The following ANKRD61 variants were observed in gnomAD, a reference collection of about 807,000 sequenced individuals.
ANKRD61 encodes the protein ankyrin repeat domain 61, also known as ankyrin repeat domain-containing protein 61.
A neutral mutation model predicts 8.4 loss-of-function variants in ANKRD61; 7 were observed. The observed-to-expected ratio is 0.84, with a 90% CI of 0.48 to 1.57. The LOEUF is 1.57. Ranked by LOEUF, ANKRD61 falls within the 40% of genes most tolerant of loss-of-function variation. The pLI, the probability that ANKRD61 is intolerant of heterozygous loss-of-function variation, is 0.00. For synonymous variants in ANKRD61, 198 were observed against 208.0 expected (o/e 0.95, Z 0.41); for missense variants, 516 against 523.4 (o/e 0.99, Z 0.14).
intron 2 of ANKRD61, among the ~76,000 whole-genome samples, chr7:6,034,249 G>C (rs1366389376): frequency 6.6e-6 from 1 of 152,016 alleles, no homozygotes; most frequent in Non-Finnish European, 1.5e-5. Context: ...AGCAGTTGCA[G>C]TGAGCCAAAA....
In ANKRD61 at chr7:6,035,944, ACG is replaced by A; in HGVS notation, c.817_818del (p.Ala273ProfsTer11). The A allele has an allele frequency of 3.9e-6, 6 of 1,548,192 alleles. No homozygotes were observed. The highest frequency in any genetic ancestry group is 5.2e-6 in the Non-Finnish European group (6 of 1,145,288). On this transcript the variant is annotated frameshift_variant, in exon 3 of 3. Transcript: ENST00000409061. LOFTEE classifies it low-confidence loss of function (END_TRUNC). The surrounding 1 kb of genome is among the most constrained non-coding windows in gnomAD (Gnocchi z 5.5). The stretch of plus-strand genomic sequence containing the variant: ...CTACTCACTCACGGAGCCAAAGTCA[ACG>A]CCCAGGACTACAAGGGCCAAACAGC...
Position 6,033,312 on chromosome 7 carries a change from T to A in ANKRD61, c.314+376T>A, listed in dbSNP as rs1196865935. 1.3e-5 allele frequency among the ~76,000 whole-genome samples: 2 copies of A among 151,698 alleles called. No individual in the cohort carries two copies. Among genetic ancestry groups the A allele is most frequent in the East Asian group, 3.9e-4 (2 of 5,180 alleles). On this transcript the variant is annotated intron_variant, in intron 2 of 2. Coordinates refer to ENST00000409061, the MANE Select transcript of ANKRD61 (RefSeq NM_001271700.2). This position sits in a 1 kb window ranked among gnomAD's most constrained non-coding sequence, Gnocchi z 4.4. ...TAAGTGAGGATATACCTGATATAGA[T>A]TTTTTTTTCAGTTCATACATTTTTT...
rs1788040482 is a variant in ANKRD61 at position 6,035,204 on chromosome 7, A to C, written c.315-240A>C. On this transcript the variant is annotated intron_variant, in intron 2 of 2. Coordinates refer to ENST00000409061, the MANE Select transcript of ANKRD61 (RefSeq NM_001271700.2). This position sits in a 1 kb window ranked among gnomAD's most constrained non-coding sequence, Gnocchi z 5.5. The stretch of plus-strand genomic sequence containing the variant: ...AGTGAAAATAATTTTTCAAAAAAAA[A>C]AATTATATATACATAAAATGAAGCT... Among the ~76,000 whole-genome samples, 1 of 152,166 alleles carries C rather than the reference A, an allele frequency of 6.6e-6. No homozygotes were observed. The highest frequency in any genetic ancestry group is 1.5e-5 in the Non-Finnish European group (1 of 68,036).
rs1788050945 is a variant in ANKRD61, at chr7:6,035,482, T to C, written c.353T>C (p.Leu118Pro). ...CTCACCACACTCAACTTAATGCTACTGCACTGGCCAGTCACTTCCACCACG... is the reference window on the plus strand; with the variant it reads ...CTCACCACACTCAACTTAATGCTACCGCACTGGCCAGTCACTTCCACCACG... ...TGLTTLNLMLLHWPVTSTTWA... is the reference protein window; with the variant it reads ...TGLTTLNLMLPHWPVTSTTWA... The change falls in exon 3 of 3, where the codon CTG (leucine) becomes CCG (proline). Residue 118 changes from leucine to proline, a missense_variant. By Grantham distance (98) the Leu-to-Pro change is moderately conservative. Transcript: ENST00000409061. This position sits in a 1 kb window ranked among gnomAD's most constrained non-coding sequence, Gnocchi z 5.5. The C allele has an allele frequency of 1.3e-6, 2 of 1,550,960 alleles. No homozygotes were observed. The highest frequency in any genetic ancestry group is 2.0e-5 in the Admixed American group (1 of 50,994).
Position 6,036,383 on chromosome 7 carries a change from T to C in ANKRD61, c.1254T>C (p.Ser418=), listed in dbSNP as rs1430635567. 97 of 1,465,238 alleles carry C rather than the reference T, an allele frequency of 6.6e-5. No individual in the cohort carries two copies. Among genetic ancestry groups the C allele is most frequent in the Non-Finnish European group, 8.4e-5 (93 of 1,109,464 alleles). 90.8% of individuals were successfully genotyped at this position (1,465,238 alleles called of 1,614,324 possible). The change falls in exon 3 of 3, where the codon TCT becomes TCC. Residue 418 remains serine (S), a synonymous_variant. Coordinates refer to ENST00000409061, the MANE Select transcript of ANKRD61 (RefSeq NM_001271700.2). This position sits in a 1 kb window ranked among gnomAD's most constrained non-coding sequence, Gnocchi z 4.6. The part of the protein sequence containing the change: ...VYCCYDLAYT[S] Reference sequence around the variant, plus strand: ...GCTGTTATGACTTGGCATATACCTCTTGAAATAAGACCTCCCAGTTTCACA... The same window carrying C: ...GCTGTTATGACTTGGCATATACCTCCTGAAATAAGACCTCCCAGTTTCACA...
chr7:6,035,965 A>C lies in ANKRD61; in HGVS notation c.836A>C (p.Gln279Pro), dbSNP rs113288486. 2.6e-6 allele frequency: 4 copies of C among 1,550,228 alleles called. No homozygotes were observed. The highest frequency in any genetic ancestry group is 1.4e-5 in the African/African-American group (1 of 73,174). ...GTCAACGCCCAGGACTACAAGGGCC[A>C]AACAGCCATCCATGAGGCATGCTTT... The part of the protein sequence containing the change: ...AKVNAQDYKG[Q>P]TAIHEACFGG... The change falls in exon 3 of 3, where the codon CAA becomes CCA. Residue 279 changes from glutamine (Q) to proline (P), a missense_variant. Gln to Pro is a moderately conservative substitution (Grantham distance 76). Coordinates refer to ENST00000409061, the MANE Select transcript of ANKRD61 (RefSeq NM_001271700.2). This position sits in a 1 kb window ranked among gnomAD's most constrained non-coding sequence, Gnocchi z 5.5.
intron 1 of ANKRD61, 141 bp downstream of exon 1, chr7:6,031,732 A>C (rs113609540): frequency 4.9e-6 from 4 of 821,332 alleles, no homozygotes; most frequent in South Asian, 1.7e-5. Flanking sequence ...CACACACTGC[A>C]GTGCTCCCCA....
chr7:6,032,756 T>A lies in ANKRD61; in HGVS notation c.217-83T>A, dbSNP rs918032509. 4.4e-6 allele frequency: 5 copies of A among 1,141,764 alleles called. No homozygotes were observed. The highest frequency in any genetic ancestry group is 6.3e-6 in the Non-Finnish European group (5 of 789,088). 70.7% of individuals were successfully genotyped at this position (1,141,764 alleles called of 1,614,324 possible). Reference sequence around the variant, plus strand: ...CCAATGAGACACTAAATAAATGTATTGCCTTTGAAACGGCAAGCTAACACA... The same window carrying A: ...CCAATGAGACACTAAATAAATGTATAGCCTTTGAAACGGCAAGCTAACACA... On this transcript the variant is annotated intron_variant, in intron 1 of 2. Transcript: ENST00000409061. This position sits in a 1 kb window ranked among gnomAD's most constrained non-coding sequence, Gnocchi z 4.3.
At position 6,032,770 on chromosome 7, in the gene ANKRD61, C is replaced by A; in HGVS notation, c.217-69C>A. The stretch of plus-strand genomic sequence containing the variant: ...AATAAATGTATTGCCTTTGAAACGG[C>A]AAGCTAACACAAACAGTATTTTTAA... On this transcript the variant is annotated intron_variant, in intron 1 of 2. Coordinates refer to ENST00000409061, the MANE Select transcript of ANKRD61 (RefSeq NM_001271700.2). This position sits in a 1 kb window ranked among gnomAD's most constrained non-coding sequence, Gnocchi z 4.3. The A allele has an allele frequency of 1.5e-6, 2 of 1,310,140 alleles. No individual in the cohort carries two copies. Among genetic ancestry groups the A allele is most frequent in the Non-Finnish European group, 2.1e-6 (2 of 938,170 alleles). 81.2% of individuals were successfully genotyped at this position (1,310,140 alleles called of 1,614,324 possible). A position where few individuals can be genotyped will look rare whatever the true frequency, so the allele number is the denominator to read the frequency against.
At position 6,035,761 on chromosome 7, in the gene ANKRD61, T is replaced by C. The variant is rs765523133; in HGVS notation, c.632T>C (p.Met211Thr). The C allele has an allele frequency of 2.8e-5, 43 of 1,550,990 alleles. No individual in the cohort carries two copies. The highest frequency in any genetic ancestry group is 3.2e-5 in the Non-Finnish European group (37 of 1,147,126). The change falls in exon 3 of 3, where the codon ATG becomes ACG. Residue 211 changes from methionine to threonine, a missense_variant. Physicochemically the swap from Met to Thr is moderately conservative, Grantham distance 81. Transcript: ENST00000409061. The surrounding 1 kb of genome is among the most constrained non-coding windows in gnomAD (Gnocchi z 5.5). ...ACACCCCTTCACATGGCCGCAAACA[T>C]GCTGAATAAGGAGATGATGGAAACG... ...SMTPLHMAAN[M>T]LNKEMMETLI...
At chr7:6,031,697 T>C in intron 1 of ANKRD61, 106 bp downstream of exon 1, 1 of 1,079,734 alleles carries the variant, frequency 9.3e-7, no homozygotes, top group Non-Finnish European at 1.3e-6. Context: ...CTTATGAGAA[T>C]GAGACACGAC....
chr7:6,033,003 C>T lies in ANKRD61; in HGVS notation c.314+67C>T. The T allele has an allele frequency of 7.2e-7, 1 of 1,383,334 alleles. No homozygotes were observed. Among genetic ancestry groups the T allele is most frequent in the South Asian group, 1.3e-5 (1 of 79,270 alleles). The allele number at this position is 1,383,334 out of a possible 1,614,324, so 85.7% of individuals were successfully genotyped here. A position where few individuals can be genotyped will look rare whatever the true frequency, so the allele number is the denominator to read the frequency against. ...TTTGTTTTGAGGCAGGGGTCTCGCT[C>T]TGTTGCCCAGGCTGGAGTGCAATGG... On this transcript the variant is annotated intron_variant, in intron 2 of 2. Transcript: ENST00000409061. This position sits in a 1 kb window ranked among gnomAD's most constrained non-coding sequence, Gnocchi z 4.4.
rs1486851282 is a variant in ANKRD61, at chr7:6,032,863, C to G, written c.241C>G (p.His81Asp). ...GCCGACAGAGTCTATCATCCCCATCCATCTGGCTGCCAAGTACCACAAGGC... is the reference window on the plus strand; with the variant it reads ...GCCGACAGAGTCTATCATCCCCATCGATCTGGCTGCCAAGTACCACAAGGC... ...TQPTESIIPI[H>D]LAAKYHKAQS... is the part of the protein sequence containing the mutation. Residue 81 changes from histidine to aspartate, a missense_variant, in exon 2 of 3, where the codon CAT (histidine) becomes GAT (aspartate). Coordinates refer to ENST00000409061, the MANE Select transcript of ANKRD61 (RefSeq NM_001271700.2). This position sits in a 1 kb window ranked among gnomAD's most constrained non-coding sequence, Gnocchi z 4.3. 6.4e-7 allele frequency: 1 copy of G among 1,551,040 alleles called. No homozygotes were observed. The highest frequency in any genetic ancestry group is 2.0e-5 in the Admixed American group (1 of 51,002).
rs1392106914 is a variant in ANKRD61, at chr7:6,033,959, C to T, written c.314+1023C>T. 6.6e-6 allele frequency among the ~76,000 whole-genome samples: 1 copy of T among 152,024 alleles called. No homozygotes were observed. The highest frequency in any genetic ancestry group is 1.5e-5 in the Non-Finnish European group (1 of 68,018). On this transcript the variant is annotated intron_variant, in intron 2 of 2. Transcript: ENST00000409061. This position sits in a 1 kb window ranked among gnomAD's most constrained non-coding sequence, Gnocchi z 4.4. ...TTGTGCACCACTGTATCTCCAGCAC[C>T]TCAACCAAATCAATGCCTGACACTT...
Position 6,035,550 on chromosome 7 carries a change from A to G in ANKRD61, c.421A>G (p.Ile141Val), listed in dbSNP as rs979912038. 24 of 1,551,106 alleles carry G rather than the reference A, an allele frequency of 1.5e-5. No individual in the cohort carries two copies. Among genetic ancestry groups the G allele is most frequent in the Non-Finnish European group, 2.0e-5 (23 of 1,147,136 alleles). ...CAGAACGCACAGGATCCTGACAGAC[A>G]TTCAGAATAGCAGCATCACATGTCT... ...GNRTHRILTD[I>V]QNSSITCLRI... Residue 141 changes from isoleucine to valine, a missense_variant, in exon 3 of 3, where the codon ATT becomes GTT. Physicochemically the swap from Ile to Val is conservative, Grantham distance 29 (BLOSUM62 3). Transcript: ENST00000409061. This position sits in a 1 kb window ranked among gnomAD's most constrained non-coding sequence, Gnocchi z 5.5.
At position 6,035,600 on chromosome 7, in the gene ANKRD61, T is replaced by G. The variant is rs1788055132; in HGVS notation, c.471T>G (p.Ala157=). Residue 157 remains alanine (A), a synonymous_variant, in exon 3 of 3, where the codon GCT becomes GCG. Transcript: ENST00000409061. The surrounding 1 kb of genome is among the most constrained non-coding windows in gnomAD (Gnocchi z 5.5). Reference sequence around the variant, plus strand: ...TCCGCATCTTGTGTGCGCACGGAGCTCAAGTGAACACTCAAGGGGAAATCA... The same window carrying G: ...TCCGCATCTTGTGTGCGCACGGAGCGCAAGTGAACACTCAAGGGGAAATCA... ...TCLRILCAHG[A]QVNTQGEISN... is the part of the protein sequence containing the mutation. The G allele has an allele frequency of 6.4e-7, 1 of 1,550,782 alleles. No homozygotes were observed. Among genetic ancestry groups the G allele is most frequent in the Non-Finnish European group, 8.7e-7 (1 of 1,147,070 alleles).
chr7:6,035,034 C>CAGT lies in ANKRD61; in HGVS notation c.315-408_315-406dup, dbSNP rs1788035827. Among the ~76,000 whole-genome samples, 1 of 152,164 alleles carries CAGT rather than the reference C, an allele frequency of 6.6e-6. No homozygotes were observed. Among genetic ancestry groups the CAGT allele is most frequent in the Admixed American group, 6.6e-5 (1 of 15,264 alleles). On this transcript the variant is annotated intron_variant, in intron 2 of 2. Coordinates refer to ENST00000409061, the MANE Select transcript of ANKRD61 (RefSeq NM_001271700.2). The surrounding 1 kb of genome is among the most constrained non-coding windows in gnomAD (Gnocchi z 5.5). ...AAGTCCACACAATTTCACAGAAAGC[C>CAGT]AGTAACCCAGCCCAGCACTGTGTGA... is the stretch of plus-strand genomic sequence containing the variant.
Position 6,036,148 on chromosome 7 carries a change from C to G in ANKRD61, c.1019C>G (p.Pro340Arg). Residue 340 changes from proline to arginine, a missense_variant, in exon 3 of 3, where the codon CCT becomes CGT. By Grantham distance (103) the Pro-to-Arg change is moderately radical. Transcript: ENST00000409061. The surrounding 1 kb of genome is among the most constrained non-coding windows in gnomAD (Gnocchi z 4.6). ...LLARLLYHTYPLRMTNNQGIL... is the reference protein window; with the variant it reads ...LLARLLYHTYRLRMTNNQGIL... ...GCCAGGCTACTTTATCACACTTATC[C>G]TCTGAGAATGACCAATAACCAAGGA... 1.3e-6 allele frequency: 2 copies of G among 1,550,318 alleles called. No individual in the cohort carries two copies. Among genetic ancestry groups the G allele is most frequent in the Non-Finnish European group, 1.7e-6 (2 of 1,146,826 alleles).
Position 6,035,401 on chromosome 7 carries a change from C to A in ANKRD61, c.315-43C>A. The stretch of plus-strand genomic sequence containing the variant: ...ATTAACTGTCCACGTAGAGCCGTTC[C>A]CACTGTGAATTCAGTGTAACGTGTA... On this transcript the variant is annotated intron_variant, in intron 2 of 2. Coordinates refer to ENST00000409061, the MANE Select transcript of ANKRD61 (RefSeq NM_001271700.2). This position sits in a 1 kb window ranked among gnomAD's most constrained non-coding sequence, Gnocchi z 5.5. The A allele has an allele frequency of 6.6e-7, 1 of 1,509,662 alleles. No homozygotes were observed. The highest frequency in any genetic ancestry group is 1.2e-5 in the South Asian group (1 of 80,748). The allele number at this position is 1,509,662 out of a possible 1,614,324, so 93.5% of individuals were successfully genotyped here.
Sources: gnomAD v4.1 joint callset for allele counts (sites outside exome capture counted in the v4.1 genomes callset) on GRCh38, gnomAD v4.1.1 for gene constraint, Gnocchi (gnomAD v3.1) non-coding constraint, MANE v1.5 for transcripts, NCBI Gene and HGNC (gene_info 2026-07-23, HGNC 2026-07-21) for gene names.